Variants in MAP3K20 observed in about 807,000 individuals in gnomAD.
The protein encoded by MAP3K20 is HCCS-4.
A neutral mutation model predicts 85.7 loss-of-function variants in MAP3K20; 40 were observed. The ratio of observed to expected loss-of-function variants is 0.47; its 90% CI spans 0.36 to 0.61. The LOEUF (loss-of-function observed/expected upper bound fraction) is 0.61. Among genes scored for constraint, MAP3K20 ranks in the 20% least tolerant of loss-of-function variants. The pLI is 0.00. For missense variants in MAP3K20, 817 were observed against 961.7 expected (o/e 0.85, Z 1.99); for synonymous variants, 325 against 327.7 (o/e 0.99, Z 0.09).
intron 2 of MAP3K20, among the ~76,000 whole-genome samples, chr2:173,164,607 T>C (rs1230774588): frequency 6.6e-6 from 1 of 152,190 alleles, no homozygotes; most frequent in Non-Finnish European, 1.5e-5. Context: ...CAGAATCTTT[T>C]AAGGAGTCTA....
intron 14 of MAP3K20, among the ~76,000 whole-genome samples, chr2:173,234,070 A>G (rs1323297724): frequency 1.3e-5 from 2 of 152,226 alleles, no homozygotes; most frequent in African/African-American, 2.4e-5. Flanking sequence ...TCTGCAGTAC[A>G]GAGATGTTTC....
chr2:173,191,217 C>T, intron 7 of MAP3K20, 40 bp downstream of exon 7: 2 of 1,605,456 alleles, frequency 1.2e-6, no homozygotes, highest in Non-Finnish European at 1.7e-6. Flanking sequence ...AAGGGAAATA[C>T]AAAAAGCAAA....
chr2:173,217,180 A>C lies in MAP3K20; in HGVS notation c.917A>C (p.Gln306Pro). Residue 306 changes from glutamine (Q) to proline (P), a missense_variant, in exon 11 of 20, where the codon CAG becomes CCG. Gln to Pro is a moderately conservative substitution (Grantham distance 76). Transcript: ENST00000375213. ...GAGCGTGATCTCAGCTTTAAGGAGC[A>C]GGAGCTTAAAGAACGAGAAAGACGT... Reference protein sequence around the residue: ...KLERDLSFKEQELKERERRLK... With the variant: ...KLERDLSFKEPELKERERRLK... The C allele has an allele frequency of 1.2e-6, 2 of 1,608,482 alleles. No individual in the cohort carries two copies. Among genetic ancestry groups the C allele is most frequent in the South Asian group, 1.1e-5 (1 of 89,974 alleles).
At chr2:173,186,282 G>T (rs750319463) in intron 4 of MAP3K20, among the ~76,000 whole-genome samples, 5 of 152,112 alleles carry the variant, frequency 3.3e-5, no homozygotes, top group Non-Finnish European at 7.4e-5. Flanking sequence ...TCTAAAGCAA[G>T]AGAGAGGTAA....
At chr2:173,150,642 T>G (rs1020427098) in intron 2 of MAP3K20, among the ~76,000 whole-genome samples, 1 of 152,208 alleles carries the variant, frequency 6.6e-6, no homozygotes, top group Non-Finnish European at 1.5e-5. Flanking sequence ...CTCGGCTCAC[T>G]GCAACCTCTG....
At chr2:173,096,344 C>CT (rs11389136) in intron 2 of MAP3K20, among the ~76,000 whole-genome samples, 113,175 of 144,614 alleles carry the variant, frequency 0.78, 44,304 homozygotes, top group East Asian at 0.86. Flanking sequence ...TTCTTTTTTC[C>CT]TTTTTTTTTT....
chr2:173,159,540 C>G (rs1160876374), intron 2 of MAP3K20, among the ~76,000 whole-genome samples: 2 of 152,182 alleles, frequency 1.3e-5, no homozygotes, highest in East Asian at 3.9e-4. Flanking sequence ...CAGGCACATG[C>G]CACTACGCCT....
intron 11 of MAP3K20, chr2:173,221,290 G>C (rs1347220615): frequency 1.2e-6 from 2 of 1,614,054 alleles, no homozygotes; most frequent in African/African-American, 1.3e-5. Flanking sequence ...CAAGTCTGCA[G>C]GCCATGATGC....
intron 2 of MAP3K20, among the ~76,000 whole-genome samples, chr2:173,107,234 G>A (rs1031837834): frequency 4.6e-5 from 7 of 152,194 alleles, no homozygotes; most frequent in Non-Finnish European, 8.8e-5. Context: ...TCCCCACCAA[G>A]CTCTGCAGAG....
At chr2:173,225,908 TAAAAAAAAAAAA>T in intron 11 of MAP3K20, 1 of 899,392 alleles carries the variant, frequency 1.1e-6, no homozygotes, top group African/African-American at 1.9e-5. Context: ...ATTCCACAAT[TAAAAAAAAAAAA>T]GAAAAAAAAC....
chr2:173,154,218 C>G (rs2106231047), intron 2 of MAP3K20, among the ~76,000 whole-genome samples: 1 of 152,294 alleles, frequency 6.6e-6, no homozygotes, highest in East Asian at 1.9e-4. Flanking sequence ...GGATCTTTTT[C>G]TGTTGCCCAG....
chr2:173,138,327 T>C (rs1688861390), intron 2 of MAP3K20, among the ~76,000 whole-genome samples: 1 of 152,204 alleles, frequency 6.6e-6, no homozygotes, highest in Non-Finnish European at 1.5e-5. Flanking sequence ...TTATGAAATA[T>C]GCACTTTTTC....
At chr2:173,152,332 G>A (rs1033599563) in intron 2 of MAP3K20, among the ~76,000 whole-genome samples, 3 of 152,086 alleles carry the variant, frequency 2.0e-5, no homozygotes, top group East Asian at 1.9e-4. Context: ...AGAAAATCTC[G>A]GATTATTTTG....
chr2:173,164,297 C>G (rs1689750799), intron 2 of MAP3K20, among the ~76,000 whole-genome samples: 1 of 152,116 alleles, frequency 6.6e-6, no homozygotes, highest in East Asian at 1.9e-4. Context: ...TTCCATTTCT[C>G]TAATGATTAG....
chr2:173,112,461 A>G (rs957579441), intron 2 of MAP3K20, among the ~76,000 whole-genome samples: 10 of 152,186 alleles, frequency 6.6e-5, no homozygotes, highest in African/African-American at 1.9e-4. Flanking sequence ...AGGAGTGGCA[A>G]GAGTGGGCAT....
In MAP3K20 at chr2:173,084,434, AAAAG is replaced by A. The variant is rs568440904; in HGVS notation, c.-34-6560_-34-6557del. Among the ~76,000 whole-genome samples the A allele has an allele frequency of 1.1e-3, 171 of 150,746 alleles. No individual in the cohort carries two copies. The East Asian group carries it at 0.02, about 18-fold the overall frequency. Reference sequence around the variant, plus strand: ...AATGTCCAAAAAGTGCAAAAAAAAAAAAAGAAAAGTATTGTGTTTTAGCAATTTA... The same window carrying A: ...AATGTCCAAAAAGTGCAAAAAAAAAAAAAAGTATTGTGTTTTAGCAATTTA... On this transcript the variant is annotated intron_variant, in intron 1 of 19. Coordinates refer to ENST00000375213, the MANE Select transcript of MAP3K20 (RefSeq NM_016653.3).
chr2:173,115,680 C>T (rs761410968), intron 2 of MAP3K20, among the ~76,000 whole-genome samples: 23 of 152,080 alleles, frequency 1.5e-4, no homozygotes, highest in Non-Finnish European at 2.9e-4. Flanking sequence ...GATTGTTGTC[C>T]GTCTTCTGGG....
intron 5 of MAP3K20, 48 bp from the exon 6 acceptor site, chr2:173,190,847 C>G: frequency 6.6e-7 from 1 of 1,512,236 alleles, no homozygotes; most frequent in Non-Finnish European, 9.0e-7. Flanking sequence ...GAAGACAGCT[C>G]AAACAAATTA....
intron 2 of MAP3K20, among the ~76,000 whole-genome samples, chr2:173,157,065 CTCCT>C (rs1241392397): frequency 7.2e-5 from 11 of 152,184 alleles, no homozygotes; most frequent in African/African-American, 2.4e-4. Flanking sequence ...TCCCTTTTGA[CTCCT>C]TTGTTAGCGA....
Sources: allele counts gnomAD v4.1 joint callset (sites outside exome capture counted in the v4.1 genomes callset), GRCh38; gene constraint gnomAD v4.1.1; transcripts MANE v1.5; gene names NCBI Gene and HGNC (gene_info 2026-07-23, HGNC 2026-07-21).